Variants in ABCA12 observed in about 807,000 individuals in gnomAD.
ABCA12 encodes the protein ATP binding cassette subfamily A member 12.
A neutral mutation model predicts 293.5 loss-of-function variants in ABCA12; 156 were observed. The observed-to-expected ratio is 0.53, with a 90% CI of 0.47 to 0.61. The LOEUF is 0.61. Ranked by LOEUF, ABCA12 falls within the 20% of genes least tolerant of loss-of-function variation. The pLI is 0.00. For missense variants in ABCA12, 2,797 were observed against 3,090.2 expected (o/e 0.91, Z 2.25); for synonymous variants, 1,063 against 1,108.0 (o/e 0.96, Z 0.81).
chr2:215,111,745 TA>T, intron 1 of ABCA12, 55 bp from the exon 2 acceptor site: 1 of 1,322,212 alleles, frequency 7.6e-7, no homozygotes, highest in Non-Finnish European at 1.1e-6. Flanking sequence ...CAAAGATTTT[TA>T]AAACCTGACT....
At chr2:215,056,625 G>T (rs1351948064) in intron 3 of ABCA12, among the ~76,000 whole-genome samples, 1 of 152,020 alleles carries the variant, frequency 6.6e-6, no homozygotes, top group Non-Finnish European at 1.5e-5. Context: ...TGGTGTGACA[G>T]CACGTGTCTA....
chr2:215,090,152 C>A (rs528417745), intron 2 of ABCA12, among the ~76,000 whole-genome samples: 1 of 152,294 alleles, frequency 6.6e-6, no homozygotes, highest in East Asian at 1.9e-4. Flanking sequence ...CTGTAATTTT[C>A]CACTATCTAC....
intron 8 of ABCA12, 124 bp from the exon 9 acceptor site, chr2:215,032,020 T>C (rs1020404198): frequency 6.4e-7 from 1 of 1,555,916 alleles, no homozygotes; most frequent in Non-Finnish European, 8.6e-7. Context: ...AGAATCATTC[T>C]CAAAAGAATT....
At chr2:215,096,618 T>A (rs1476522858) in intron 2 of ABCA12, among the ~76,000 whole-genome samples, 1 of 152,204 alleles carries the variant, frequency 6.6e-6, no homozygotes, top group Non-Finnish European at 1.5e-5. Context: ...CTTCCCAGTA[T>A]CTTTAAGACT....
intron 2 of ABCA12, among the ~76,000 whole-genome samples, chr2:215,067,287 T>C (rs1701657068): frequency 6.6e-6 from 1 of 152,122 alleles, no homozygotes; most frequent in Non-Finnish European, 1.5e-5. Flanking sequence ...CCTCTCTCTT[T>C]CTTTCACGAA....
chr2:215,108,829 G>A (rs1484396008), intron 2 of ABCA12, among the ~76,000 whole-genome samples: 2 of 152,130 alleles, frequency 1.3e-5, no homozygotes, highest in Non-Finnish European at 2.9e-5. Flanking sequence ...CAGCATTTTG[G>A]GAGGCCGAGG....
At chr2:214,937,649 T>A in intron 50 of ABCA12, 34 bp from the exon 51 acceptor site, 1 of 1,477,188 alleles carries the variant, frequency 6.8e-7, no homozygotes, top group Non-Finnish European at 9.5e-7. Flanking sequence ...TGATATGAAT[T>A]ACATTTTGCT....
At chr2:215,065,297 T>TAAAAAAAAAAAAAAAAA (rs66466863) in intron 2 of ABCA12, among the ~76,000 whole-genome samples, 2 of 45,138 alleles carry the variant, frequency 4.4e-5, no homozygotes, top group African/African-American at 1.8e-4. Context: ...CATGAATGTG[T>TAAAAAAAAAAAAAAAAA]AAAAAAAAAA....
intron 1 of ABCA12, among the ~76,000 whole-genome samples, chr2:215,117,602 T>C (rs972043519): frequency 1.3e-4 from 20 of 152,238 alleles, no homozygotes; most frequent in Non-Finnish European, 2.8e-4. Flanking sequence ...ATTTCAACTT[T>C]AGGTCATCAC....
chr2:214,997,626 A>G, intron 23 of ABCA12, 69 bp downstream of exon 23: 1 of 1,171,720 alleles, frequency 8.5e-7, no homozygotes, highest in Non-Finnish European at 1.3e-6. Context: ...TTATAAAGGC[A>G]TGATGAAAAT....
chr2:215,080,227 G>A (rs1701911144), intron 2 of ABCA12, among the ~76,000 whole-genome samples: 1 of 152,186 alleles, frequency 6.6e-6, no homozygotes, highest in Non-Finnish European at 1.5e-5. Flanking sequence ...GCCAGGTGCA[G>A]TGGCTCATGC....
At position 214,956,756 on chromosome 2, in the gene ABCA12, G is replaced by A. The variant is rs755491703; in HGVS notation, c.6140C>T (p.Ala2047Val). 5.6e-6 allele frequency: 9 copies of A among 1,612,518 alleles called. No individual in the cohort carries two copies. Among genetic ancestry groups the A allele is most frequent in the Admixed American group, 3.3e-5 (2 of 59,942 alleles). The change falls in exon 42 of 53, where the codon GCG (alanine) becomes GTG (valine). Residue 2047 changes from alanine (A) to valine (V), a missense_variant. By Grantham distance (64) the Ala-to-Val change is moderately conservative. Around this residue, in one of 3 missense-constraint regions of ABCA12, gnomAD observed 2,130 missense variants for 2,427.0 expected, o/e 0.88. Coordinates refer to ENST00000272895, the MANE Select transcript of ABCA12 (RefSeq NM_173076.3). ...YDMVFYLVPV[A>V]FSIGIIAIFK... ...AATCGCAATGATACCAATTGAAAAC[G>A]CTACAGGCACCAAGTAGAAAACCTA...
chr2:215,015,788 C>A, intron 14 of ABCA12, 125 bp from the exon 15 acceptor site: 1 of 811,260 alleles, frequency 1.2e-6, no homozygotes, highest in South Asian at 1.5e-5. Flanking sequence ...AATCAAACAA[C>A]TTTTCATCTA....
intron 18 of ABCA12, 86 bp downstream of exon 18, chr2:215,010,245 T>G (rs1021866823): frequency 1.3e-6 from 2 of 1,484,686 alleles, no homozygotes; most frequent in African/African-American, 2.8e-5. Context: ...TAGAAAGAAA[T>G]CAGTCAGCTA....
At chr2:214,996,233 G>A (rs1177242084) in intron 23 of ABCA12, among the ~76,000 whole-genome samples, 1 of 152,114 alleles carries the variant, frequency 6.6e-6, no homozygotes, top group African/African-American at 2.4e-5. Context: ...ATACATAGAT[G>A]CATTCAGAGA....
rs959321733 is a variant in ABCA12 at position 214,938,803 on chromosome 2, G to GT, written c.7437-1189dup. On this transcript the variant is annotated intron_variant, in intron 50 of 52. Coordinates refer to ENST00000272895, the MANE Select transcript of ABCA12 (RefSeq NM_173076.3). ...ATATCCTTTGACCACTTTTTGATGG[G>GT]TTTTTTTTGTTTCTTGTAAATTTGT... Among the ~76,000 whole-genome samples the GT allele has an allele frequency of 1.6e-3, 249 of 151,820 alleles. 2 individuals are homozygous for GT. Among genetic ancestry groups the GT allele is most frequent in the African/African-American group, 5.4e-3 (225 of 41,436 alleles).
intron 2 of ABCA12, among the ~76,000 whole-genome samples, chr2:215,101,027 C>T (rs1575044507): frequency 1.3e-5 from 2 of 152,230 alleles, no homozygotes; most frequent in East Asian, 3.9e-4. Flanking sequence ...GAGGTTTGCT[C>T]CTCTTCGCAC....
At chr2:215,046,696 A>AT (rs554922033) in intron 6 of ABCA12, among the ~76,000 whole-genome samples, 7 of 151,916 alleles carry the variant, frequency 4.6e-5, no homozygotes, top group East Asian at 3.9e-4. Flanking sequence ...TTATAACTGT[A>AT]TTTTTTTGTG....
At chr2:214,947,379 G>T (rs753720767) in intron 48 of ABCA12, 43 bp downstream of exon 48, 3 of 1,610,730 alleles carry the variant, frequency 1.9e-6, no homozygotes, top group Non-Finnish European at 2.5e-6. Context: ...CAGATATGCT[G>T]TTCTAATTAT....
Sources: gnomAD v4.1 joint callset for allele counts (sites outside exome capture counted in the v4.1 genomes callset) on GRCh38, gnomAD v4.1.1 for gene constraint, gnomAD v4.1.1 regional missense constraint, MANE v1.5 for transcripts, NCBI Gene and HGNC (gene_info 2026-07-23, HGNC 2026-07-21) for gene names.